The following ABI2 variants were observed in gnomAD, a reference collection of about 807,000 sequenced individuals.
ABI2 encodes the protein abl interactor 2, also known as abelson interactor 2.
A neutral mutation model predicts 59.2 loss-of-function variants in ABI2; 25 were observed. The observed-to-expected ratio is 0.42, with a 90% CI of 0.31 to 0.59. The LOEUF is 0.59. ABI2 is among the 20% of genes least tolerant of loss of function. The pLI is 0.14. For synonymous variants in ABI2, 213 were observed against 235.5 expected (o/e 0.90, Z 0.87); for missense variants, 545 against 681.8 (o/e 0.80, Z 2.23).
chr2:203,407,280 C>G (rs2097465632), intron 9 of ABI2, among the ~76,000 whole-genome samples: 2 of 152,148 alleles, frequency 1.3e-5, no homozygotes, highest in Non-Finnish European at 2.9e-5. Flanking sequence ...TTAGAAAATA[C>G]TACACTTACA....
intron 1 of ABI2, among the ~76,000 whole-genome samples, chr2:203,353,015 G>A (rs2089853074): frequency 1.3e-5 from 2 of 152,184 alleles, no homozygotes; most frequent in South Asian, 4.1e-4. Context: ...AGCCTAGTGT[G>A]TAGTATGCTC....
rs529201750 is a variant in ABI2 at position 203,378,320 on chromosome 2, C to T, written c.286-1888C>T. Among the ~76,000 whole-genome samples, 4 of 152,154 alleles carry T rather than the reference C, an allele frequency of 2.6e-5. No individual in the cohort carries two copies. The South Asian group carries it at 8.3e-4, about 32-fold the overall frequency. On this transcript the variant is annotated intron_variant, in intron 2 of 11. Coordinates refer to ENST00000261018, the MANE Select transcript of ABI2 (RefSeq NM_001375670.1). Reference sequence around the variant, plus strand: ...TAGAGACGGGGTTTCACCGTGTTAGCCAGGATGGTCTCGATCTCCGGACTT... The same window carrying T: ...TAGAGACGGGGTTTCACCGTGTTAGTCAGGATGGTCTCGATCTCCGGACTT...
intron 1 of ABI2, among the ~76,000 whole-genome samples, chr2:203,349,148 C>A (rs983261974): frequency 6.6e-6 from 1 of 150,780 alleles, no homozygotes; most frequent in Admixed American, 6.6e-5. Flanking sequence ...TGCCTTGTTG[C>A]GCAAGCTGGT....
intron 1 of ABI2, among the ~76,000 whole-genome samples, chr2:203,332,237 A>T (rs556906227): frequency 5.3e-5 from 8 of 152,336 alleles, no homozygotes; most frequent in Admixed American, 3.3e-4. Context: ...TATTTATCAG[A>T]TCAATTTTAT....
intron 1 of ABI2, among the ~76,000 whole-genome samples, chr2:203,336,564 T>C (rs1391204084): frequency 1.3e-5 from 2 of 152,340 alleles, no homozygotes; most frequent in Non-Finnish European, 2.9e-5. Context: ...CTCTCTATTG[T>C]ACCCTTTTAG....
At chr2:203,414,494 G>A (rs540362416) in intron 10 of ABI2, among the ~76,000 whole-genome samples, 2 of 152,160 alleles carry the variant, frequency 1.3e-5, no homozygotes, top group African/African-American at 4.8e-5. Context: ...TCTTCCTTCA[G>A]GTTTCAGGAA....
chr2:203,431,441 G>A lies in ABI2; in HGVS notation c.*4089G>A, dbSNP rs554632734. The A allele has an allele frequency of 9.8e-5, 15 of 152,584 alleles. No individual in the cohort carries two copies. Among genetic ancestry groups the A allele is most frequent in the Admixed American group, 9.2e-4 (14 of 15,276 alleles). 9.5% of individuals were successfully genotyped at this position (152,584 alleles called of 1,614,324 possible). On this transcript the variant is annotated 3_prime_UTR_variant, in exon 12 of 12. Coordinates refer to ENST00000261018, the MANE Select transcript of ABI2 (RefSeq NM_001375670.1). The stretch of plus-strand genomic sequence containing the variant: ...AATACCATCAGAGTTGTGTAAAGGC[G>A]TGTACTAAGTGCAATCTTAATTTGT...
Position 203,395,714 on chromosome 2 carries a change from A to C in ABI2, c.784A>C (p.Ser262Arg). 1 of 1,612,378 alleles carries C rather than the reference A, an allele frequency of 6.2e-7. No homozygotes were observed. Among genetic ancestry groups the C allele is most frequent in the Non-Finnish European group, 8.5e-7 (1 of 1,179,274 alleles). ...TAGTCGGAGCAGCAGTCGAGAGAAC[A>C]GTGGAAGTGGTAGTGTGGGGGTTCC... Reference protein sequence around the residue: ...PSSRSSSRENSGSGSVGVPIA... With the variant: ...PSSRSSSRENRGSGSVGVPIA... The change falls in exon 7 of 12, where the codon AGT (serine) becomes CGT (arginine). Residue 262 changes from serine to arginine, a missense_variant. By Grantham distance (110) the Ser-to-Arg change is moderately radical (BLOSUM62 -1). Around this residue, in one of 4 missense-constraint regions of ABI2, gnomAD observed 410 missense variants for 435.6 expected, o/e 0.94. Coordinates refer to ENST00000261018, the MANE Select transcript of ABI2 (RefSeq NM_001375670.1).
At chr2:203,419,094 T>G (rs2098055748) in intron 11 of ABI2, among the ~76,000 whole-genome samples, 1 of 149,086 alleles carries the variant, frequency 6.7e-6, no homozygotes, top group Admixed American at 6.6e-5. Context: ...ATATCCTTCC[T>G]AAATTAAAGA....
chr2:203,331,871 G>A (rs1481196056), intron 1 of ABI2, among the ~76,000 whole-genome samples: 6 of 148,532 alleles, frequency 4.0e-5, no homozygotes, highest in South Asian at 2.1e-4. Flanking sequence ...GTGCAGTGGC[G>A]CGATCTCAGC....
intron 1 of ABI2, among the ~76,000 whole-genome samples, chr2:203,359,847 G>C (rs944951256): frequency 1.9e-3 from 26 of 13,584 alleles, no homozygotes; most frequent in East Asian, 4.4e-3. Flanking sequence ...TACATTTTTG[G>C]GGGGGGGACA....
chr2:203,374,020 G>A (rs1429340070), intron 2 of ABI2, among the ~76,000 whole-genome samples: 1 of 152,088 alleles, frequency 6.6e-6, no homozygotes, highest in African/African-American at 2.4e-5. Context: ...TTAGCCAGGT[G>A]TGGTGGTGCA....
chr2:203,390,257 C>T (rs552518735), intron 4 of ABI2, among the ~76,000 whole-genome samples: 2 of 152,288 alleles, frequency 1.3e-5, no homozygotes, highest in African/African-American at 4.8e-5. Context: ...TCTTTATATT[C>T]TCTAGTTACA....
At chr2:203,363,003 G>A (rs551406459) in intron 1 of ABI2, among the ~76,000 whole-genome samples, 3 of 151,924 alleles carry the variant, frequency 2.0e-5, no homozygotes, top group South Asian at 2.1e-4. Context: ...GCTATTTTTC[G>A]TATTTTTAGT....
At chr2:203,391,945 G>A (rs1258734637) in intron 5 of ABI2, among the ~76,000 whole-genome samples, 1 of 152,002 alleles carries the variant, frequency 6.6e-6, no homozygotes, top group Non-Finnish European at 1.5e-5. Context: ...CTAGAGCATC[G>A]TATTATAAAC....
intron 10 of ABI2, among the ~76,000 whole-genome samples, chr2:203,414,852 C>T (rs929045948): frequency 6.6e-6 from 1 of 152,060 alleles, no homozygotes; most frequent in African/African-American, 2.4e-5. Context: ...TGAAAAACAC[C>T]ACCTCCCAAT....
intron 2 of ABI2, among the ~76,000 whole-genome samples, chr2:203,379,845 C>T (rs374380960): frequency 2.5e-4 from 38 of 152,100 alleles, no homozygotes; most frequent in African/African-American, 7.7e-4. Context: ...AGCAAGTGAG[C>T]GGCATGGCTG....
chr2:203,337,382 T>C (rs1157746804), intron 1 of ABI2, among the ~76,000 whole-genome samples: 2 of 152,178 alleles, frequency 1.3e-5, no homozygotes, highest in East Asian at 3.8e-4. Flanking sequence ...AAGAAAACAT[T>C]TCCATTTATA....
In ABI2 at chr2:203,332,267, T is replaced by C. The variant is rs376580185; in HGVS notation, c.117+3636T>C. ...TTTTATTTCTTGCCTATACAAAGGATTTAGTAGTTGGTAGAGACTTTTTTT... is the reference window on the plus strand; with the variant it reads ...TTTTATTTCTTGCCTATACAAAGGACTTAGTAGTTGGTAGAGACTTTTTTT... On this transcript the variant is annotated intron_variant, in intron 1 of 11. Transcript: ENST00000261018. 6.6e-5 allele frequency among the ~76,000 whole-genome samples: 10 copies of C among 152,234 alleles called. No homozygotes were observed. In the East Asian group the frequency reaches 1.7e-3, roughly 26 times the overall value.
Sources: gnomAD v4.1 joint callset for allele counts (sites outside exome capture counted in the v4.1 genomes callset) on GRCh38, gnomAD v4.1.1 for gene constraint, gnomAD v4.1.1 regional missense constraint, MANE v1.5 for transcripts, NCBI Gene and HGNC (gene_info 2026-07-23, HGNC 2026-07-21) for gene names.